The following SLC45A3 variants were observed in gnomAD, a reference collection of about 807,000 sequenced individuals.
SLC45A3 encodes prostate cancer associated protein 2.
Under a neutral mutation model 35.3 loss-of-function variants are expected in SLC45A3, and 17 were observed. The observed-to-expected ratio is 0.48, with a 90% CI of 0.33 to 0.72. The LOEUF is 0.72. SLC45A3 is among the 30% of genes least tolerant of loss of function. The probability of loss-of-function intolerance (pLI) is 0.02; values close to 1 mark genes in which losing one functional copy is unlikely to be tolerated. For missense variants in SLC45A3, 597 were observed against 731.7 expected, an observed-to-expected ratio of 0.82 and a Z score of 2.12; for synonymous variants, 288 against 334.3, an observed-to-expected ratio of 0.86 and a Z score of 1.51.
Position 205,663,016 on chromosome 1 carries a change from G to A in SLC45A3, c.775C>T (p.Arg259Trp), listed in dbSNP as rs377389106. Residue 259 changes from arginine to tryptophan, a missense_variant, in exon 3 of 5, where the codon CGG becomes TGG. This residue lies in a region of SLC45A3 where 555 missense variants were observed against 664.9 expected (regional missense o/e 0.83). Transcript: ENST00000367145. ...ATGCGGCAGCACAGCTGGTGCAGCC[G>A]GGGAAGCAGGGCGCCCAGGTTCCGG... ...AFRNLGALLP[R>W]LHQLCCRMPR... 9.3e-5 allele frequency: 150 copies of A among 1,611,000 alleles called. 1 individual carries two copies. Among genetic ancestry groups the A allele is most frequent in the Middle Eastern group, 5.0e-4 (3 of 5,974 alleles).
intron 1 of SLC45A3, among the ~76,000 whole-genome samples, chr1:205,672,955 T>C (rs955689914): frequency 3.9e-5 from 6 of 152,192 alleles, no homozygotes; most frequent in African/African-American, 4.8e-5. Flanking sequence ...TTCACCCTTG[T>C]GAAATAGGAA....
intron 1 of SLC45A3, among the ~76,000 whole-genome samples, chr1:205,667,226 C>T (rs66742105): frequency 0.031 from 4,708 of 152,100 alleles, 130 homozygotes; most frequent in African/African-American, 0.075. Flanking sequence ...ATAAAATAGG[C>T]CAGGTACAGT....
chr1:205,661,760 C>T (rs1671027806), intron 4 of SLC45A3, 101 bp downstream of exon 4: 3 of 1,489,776 alleles, frequency 2.0e-6, no homozygotes, highest in Non-Finnish European at 2.7e-6. Flanking sequence ...AAGAAGCATT[C>T]TCCAAAGTTG....
rs1020056644 is a variant in SLC45A3, at chr1:205,662,666, G to A, written c.958+167C>T. On this transcript the variant is annotated intron_variant, in intron 3 of 4. Transcript: ENST00000367145. The surrounding 1 kb of genome is among the most constrained non-coding windows in gnomAD (Gnocchi z 6.2). ...AGGCCTTCCTGAAACCGCAAGCAGA[G>A]ATGTTCCACACCCATGAGAAGCCGT... is the stretch of plus-strand genomic sequence containing the variant. The A allele has an allele frequency of 2.9e-6, 4 of 1,395,564 alleles. No homozygotes were observed. The highest frequency in any genetic ancestry group is 9.3e-7 in the Non-Finnish European group (1 of 1,079,934). 86.4% of individuals were successfully genotyped at this position (1,395,564 alleles called of 1,614,324 possible). A position where few individuals can be genotyped will look rare whatever the true frequency, so the allele number is the denominator to read the frequency against.
chr1:205,661,282 G>A (rs1217522640), intron 4 of SLC45A3, among the ~76,000 whole-genome samples: 1 of 152,008 alleles, frequency 6.6e-6, no homozygotes, highest in Non-Finnish European at 1.5e-5. Context: ...ATCTGCCACA[G>A]GGGAAGGGGA....
intron 1 of SLC45A3, among the ~76,000 whole-genome samples, chr1:205,670,694 C>T (rs907545287): frequency 7.9e-5 from 12 of 152,306 alleles, no homozygotes; most frequent in Admixed American, 2.6e-4. Context: ...GGCTGCAGGC[C>T]GGGACACAAA....
intron 1 of SLC45A3, among the ~76,000 whole-genome samples, chr1:205,665,598 G>A (rs1368694752): frequency 6.6e-6 from 1 of 152,100 alleles, no homozygotes; most frequent in Non-Finnish European, 1.5e-5. Context: ...TAGCTCACAG[G>A]GGCATGAAAC....
Position 205,662,882 on chromosome 1 carries a change from G to C in SLC45A3, c.909C>G (p.Gly303=). ...TDFVGEGLYQ[G]VPRAEPGTEA... ...CGGTGCCCGGCTCAGCTCTGGGCAC[G>C]CCCTGGTACAGCCCCTCGCCCACGA... The change falls in exon 3 of 5, where the codon GGC becomes GGG. Residue 303 remains glycine (G), a synonymous_variant. Transcript: ENST00000367145. The surrounding 1 kb of genome is among the most constrained non-coding windows in gnomAD (Gnocchi z 6.2). 2 of 1,610,386 alleles carry C rather than the reference G, an allele frequency of 1.2e-6. No homozygotes were observed. Among genetic ancestry groups the C allele is most frequent in the South Asian group, 1.1e-5 (1 of 90,958 alleles).
chr1:205,670,611 G>A (rs1284643039), intron 1 of SLC45A3, among the ~76,000 whole-genome samples: 1 of 152,188 alleles, frequency 6.6e-6, no homozygotes, highest in Non-Finnish European at 1.5e-5. Flanking sequence ...TTTAGAGTTC[G>A]CCCTGCTGAG....
chr1:205,667,053 C>T (rs1558035410), intron 1 of SLC45A3, among the ~76,000 whole-genome samples: 1 of 152,190 alleles, frequency 6.6e-6, no homozygotes, highest in Non-Finnish European at 1.5e-5. Flanking sequence ...TTCTCTAAGT[C>T]CTGGCTGCTC....
intron 1 of SLC45A3, among the ~76,000 whole-genome samples, chr1:205,670,064 C>A (rs137948218): frequency 0.019 from 2,812 of 151,610 alleles, 35 homozygotes; most frequent in Middle Eastern, 0.058. Context: ...AATGCTGTCA[C>A]CTTACCTAAT....
In SLC45A3 at chr1:205,659,621, G is replaced by T. The variant is rs375360087; in HGVS notation, c.1275C>A (p.Asp425Glu). The T allele has an allele frequency of 6.4e-7, 1 of 1,550,484 alleles. No homozygotes were observed. The highest frequency in any genetic ancestry group is 8.7e-7 in the Non-Finnish European group (1 of 1,151,300). ...RGDTGGASSEDSLMTSFLPGP... is the reference protein window; with the variant it reads ...RGDTGGASSEESLMTSFLPGP... ...CTGGCAGGAAGCTGGTCATCAGGCTGTCCTCACTGCTAGCACCTCCAGTGT... is the reference window on the plus strand; with the variant it reads ...CTGGCAGGAAGCTGGTCATCAGGCTTTCCTCACTGCTAGCACCTCCAGTGT... Residue 425 changes from aspartate to glutamate, a missense_variant, in exon 5 of 5, where the codon GAC becomes GAA. By Grantham distance (45) the Asp-to-Glu change is conservative. Coordinates refer to ENST00000367145, the MANE Select transcript of SLC45A3 (RefSeq NM_033102.3). This position sits in a 1 kb window ranked among gnomAD's most constrained non-coding sequence, Gnocchi z 5.8.
At chr1:205,667,070 G>A (rs184249724) in intron 1 of SLC45A3, among the ~76,000 whole-genome samples, 5 of 152,236 alleles carry the variant, frequency 3.3e-5, no homozygotes, top group African/African-American at 1.2e-4. Context: ...GCTCCCTATT[G>A]TTTAAAATAA....
intron 1 of SLC45A3, among the ~76,000 whole-genome samples, chr1:205,679,509 T>C (rs1452864041): frequency 1.3e-5 from 2 of 152,122 alleles, no homozygotes; most frequent in African/African-American, 4.8e-5. Context: ...CTAGCAAGCC[T>C]GCCTAGGCCC....
At chr1:205,674,412 C>T (rs1671275169) in intron 1 of SLC45A3, among the ~76,000 whole-genome samples, 2 of 151,496 alleles carry the variant, frequency 1.3e-5, no homozygotes, top group African/African-American at 2.4e-5. Context: ...CATGGTAAAA[C>T]CTCATCTCTA....
At chr1:205,679,034 G>A (rs551461841) in intron 1 of SLC45A3, among the ~76,000 whole-genome samples, 1 of 152,232 alleles carries the variant, frequency 6.6e-6, no homozygotes, top group South Asian at 2.1e-4. Context: ...AAGGAGATCT[G>A]CTAAGTGCCT....
At position 205,659,499 on chromosome 1, in the gene SLC45A3, C is replaced by T; in HGVS notation, c.1397G>A (p.Cys466Tyr). Residue 466 changes from cysteine (C) to tyrosine (Y), a missense_variant, in exon 5 of 5, where the codon TGT (cysteine) becomes TAT (tyrosine). Around this residue, in one of 3 missense-constraint regions of SLC45A3, gnomAD observed 555 missense variants for 664.9 expected, o/e 0.83. Coordinates refer to ENST00000367145, the MANE Select transcript of SLC45A3 (RefSeq NM_033102.3). The surrounding 1 kb of genome is among the most constrained non-coding windows in gnomAD (Gnocchi z 5.8). ...PPPALCGASA[C>Y]DVSVRVVVGE... ...CACCACCACACGTACGGAGACATCA[C>T]AGGCAGAGGCCCCGCAGAGCGCGGG... The T allele has an allele frequency of 6.2e-7, 1 of 1,613,536 alleles. No individual in the cohort carries two copies. The highest frequency in any genetic ancestry group is 8.5e-7 in the Non-Finnish European group (1 of 1,179,634).
chr1:205,659,134 C>T lies in SLC45A3; in HGVS notation c.*100G>A, dbSNP rs1479344592. The T allele has an allele frequency of 7.9e-7, 1 of 1,273,024 alleles. No individual in the cohort carries two copies. Among genetic ancestry groups the T allele is most frequent in the Non-Finnish European group, 1.1e-6 (1 of 915,576 alleles). 78.9% of individuals were successfully genotyped at this position (1,273,024 alleles called of 1,614,324 possible). On this transcript the variant is annotated 3_prime_UTR_variant, in exon 5 of 5. Coordinates refer to ENST00000367145, the MANE Select transcript of SLC45A3 (RefSeq NM_033102.3). The surrounding 1 kb of genome is among the most constrained non-coding windows in gnomAD (Gnocchi z 5.8). ...GAGAGCCACATTACTTTGGCAGCAA[C>T]AGAAACTGGCGGCCAGCCCGGCAGC...
At chr1:205,678,652 A>G (rs757966792) in intron 1 of SLC45A3, among the ~76,000 whole-genome samples, 8 of 152,122 alleles carry the variant, frequency 5.3e-5, no homozygotes, top group Admixed American at 2.6e-4. Context: ...TCCCCCTAAC[A>G]CACACCCACT....
Sources: gnomAD v4.1 joint callset for allele counts (sites outside exome capture counted in the v4.1 genomes callset) on GRCh38, gnomAD v4.1.1 for gene constraint, gnomAD v4.1.1 regional missense constraint, Gnocchi (gnomAD v3.1) non-coding constraint, MANE v1.5 for transcripts, NCBI Gene and HGNC (gene_info 2026-07-23, HGNC 2026-07-21) for gene names.